CRIM1: variants seen among roughly 807,000 people sequenced by gnomAD.
CRIM1 encodes cysteine-rich motor neuron 1 protein.
Under a neutral mutation model 116.4 loss-of-function variants are expected in CRIM1, and 32 were observed. That is an observed-to-expected ratio of 0.27 (90% CI 0.21 to 0.37). The LOEUF (loss-of-function observed/expected upper bound fraction) is 0.37, where lower values mean the gene tolerates loss of function less well. Ranked by LOEUF, CRIM1 falls within the 10% of genes least tolerant of loss-of-function variation. The pLI is 1.00. For missense variants in CRIM1, 1,331 were observed against 1,354.8 expected, an observed-to-expected ratio of 0.98 and a Z score of 0.28; for synonymous variants, 590 against 509.2, an observed-to-expected ratio of 1.16 and a Z score of -2.13.
chr2:36,467,934 T>C (rs1283212859), intron 5 of CRIM1, among the ~76,000 whole-genome samples: 1 of 152,252 alleles, frequency 6.6e-6, no homozygotes, highest in Non-Finnish European at 1.5e-5. Context: ...ATCATGTGCT[T>C]AATTGCGTTA....
chr2:36,537,658 G>T, intron 14 of CRIM1, 112 bp downstream of exon 14: 1 of 1,217,772 alleles, frequency 8.2e-7, no homozygotes, highest in South Asian at 1.6e-5. Flanking sequence ...CCCAAGTAGC[G>T]TGTCAGGCCC....
chr2:36,375,269 A>C (rs998266357), intron 1 of CRIM1, among the ~76,000 whole-genome samples: 2 of 152,184 alleles, frequency 1.3e-5, no homozygotes, highest in Non-Finnish European at 2.9e-5. Context: ...AAAACTTCGG[A>C]TCATTATCAG....
intron 1 of CRIM1, among the ~76,000 whole-genome samples, chr2:36,368,670 A>G (rs915446788): frequency 6.6e-6 from 1 of 152,206 alleles, no homozygotes; most frequent in Admixed American, 6.5e-5. Context: ...TGAATGTGAA[A>G]TATTCCATTT....
chr2:36,523,001 C>G (rs1339858023), intron 13 of CRIM1, among the ~76,000 whole-genome samples: 1 of 151,364 alleles, frequency 6.6e-6, no homozygotes, highest in African/African-American at 2.4e-5. Flanking sequence ...GTCACCCAGG[C>G]TGGAGTGCAG....
chr2:36,453,542 A>G (rs989001825), intron 4 of CRIM1, among the ~76,000 whole-genome samples: 6 of 152,212 alleles, frequency 3.9e-5, no homozygotes, highest in Non-Finnish European at 8.8e-5. Context: ...TAGATAGACA[A>G]TTAGTCTGCA....
rs184613896 is a variant in CRIM1, at chr2:36,530,843, G to A, written c.2429-6509G>A. On this transcript the variant is annotated intron_variant, in intron 13 of 16. Coordinates refer to ENST00000280527, the MANE Select transcript of CRIM1 (RefSeq NM_016441.3). ...TATTAGCAGGACCAGCTGTCTGCGC[G>A]TCTTTTCCAGACACTGGGCTCATCC... is the stretch of plus-strand genomic sequence containing the variant. Among the ~76,000 whole-genome samples, 158 of 152,264 alleles carry A rather than the reference G, an allele frequency of 1.0e-3. 1 individual carries two copies. The highest frequency in any genetic ancestry group is 3.6e-3 in the African/African-American group (151 of 41,560).
intron 1 of CRIM1, among the ~76,000 whole-genome samples, chr2:36,366,538 TAAAA>T (rs921477921): frequency 6.8e-6 from 1 of 147,740 alleles, no homozygotes. Context: ...ATGGAAAGAT[TAAAA>T]AAAAAAGGAG....
At chr2:36,434,774 A>G (rs1675169540) in intron 2 of CRIM1, among the ~76,000 whole-genome samples, 1 of 152,166 alleles carries the variant, frequency 6.6e-6, no homozygotes. Flanking sequence ...TAGATTTCTT[A>G]TTAATAATCA....
Position 36,517,391 on chromosome 2 carries a change from A to G in CRIM1, c.2055A>G (p.Glu685=), listed in dbSNP as rs1315576599. 3 of 1,614,110 alleles carry G rather than the reference A, an allele frequency of 1.9e-6. No homozygotes were observed. Among genetic ancestry groups the G allele is most frequent in the Admixed American group, 3.3e-5 (2 of 60,006 alleles). ...CCATTTGCCACGCCCCTGGAGGAGA[A>G]TACTTTGTGGAAGGAGAAACGTGGA... ...TPSICHAPGG[E]YFVEGETWNI... is the part of the protein sequence containing the mutation. The change falls in exon 12 of 17, where the codon GAA becomes GAG. Residue 685 remains glutamate, a synonymous_variant. Transcript: ENST00000280527.
At position 36,471,751 on chromosome 2, in the gene CRIM1, ACACACACACC is replaced by A. The variant is rs1368855689; in HGVS notation, c.992-5137_992-5128del. ...AACACACACACACACACACACACACACACACACACCATCTTACAATGTTTTAAGAAAGTTT... is the reference window on the plus strand; with the variant it reads ...AACACACACACACACACACACACACAATCTTACAATGTTTTAAGAAAGTTT... On this transcript the variant is annotated intron_variant, in intron 5 of 16. Coordinates refer to ENST00000280527, the MANE Select transcript of CRIM1 (RefSeq NM_016441.3). Among the ~76,000 whole-genome samples, 177 of 139,958 alleles carry A rather than the reference ACACACACACC, an allele frequency of 1.3e-3. 1 individual carries two copies. Among genetic ancestry groups the A allele is most frequent in the African/African-American group, 4.5e-3 (159 of 35,600 alleles). 91.8% of individuals were successfully genotyped at this position (139,958 alleles called of 152,430 possible).
intron 7 of CRIM1, among the ~76,000 whole-genome samples, chr2:36,498,765 T>C (rs992209214): frequency 6.6e-6 from 1 of 152,130 alleles, no homozygotes; most frequent in Non-Finnish European, 1.5e-5. Context: ...GATTTATTAA[T>C]TTGGAAAAAA....
chr2:36,548,803 TTG>T lies in CRIM1; in HGVS notation c.*105_*106del, dbSNP rs1667541193. Reference sequence around the variant, plus strand: ...CACTTGCTTAGTGGATTGTATTGGATTGTGACTTGATGTACAGCGCTAAGACC... The same window carrying T: ...CACTTGCTTAGTGGATTGTATTGGATTGACTTGATGTACAGCGCTAAGACC... On this transcript the variant is annotated 3_prime_UTR_variant, in exon 17 of 17. Transcript: ENST00000280527. The T allele has an allele frequency of 1.0e-6, 1 of 989,990 alleles. No individual in the cohort carries two copies. Among genetic ancestry groups the T allele is most frequent in the Non-Finnish European group, 1.5e-6 (1 of 669,362 alleles). The allele number at this position is 989,990 out of a possible 1,614,324, so 61.3% of individuals were successfully genotyped here. A position where few individuals can be genotyped will look rare whatever the true frequency, so the allele number is the denominator to read the frequency against.
At chr2:36,383,929 C>T (rs1670975641) in intron 1 of CRIM1, among the ~76,000 whole-genome samples, 2 of 152,216 alleles carry the variant, frequency 1.3e-5, no homozygotes, top group South Asian at 4.1e-4. Context: ...GTGCTGAGCC[C>T]TGTTCCAGGT....
intron 6 of CRIM1, 35 bp downstream of exon 6, chr2:36,477,106 C>T (rs751629979): frequency 1.7e-5 from 25 of 1,514,996 alleles, no homozygotes; most frequent in Non-Finnish European, 2.3e-5. Flanking sequence ...TTAACAGGAG[C>T]ATACATGGTA....
intron 5 of CRIM1, among the ~76,000 whole-genome samples, chr2:36,465,336 A>C (rs796184593): frequency 6.6e-6 from 1 of 152,336 alleles, no homozygotes; most frequent in African/African-American, 2.4e-5. Context: ...AAGGAAGGGG[A>C]ACCTGCAACA....
intron 16 of CRIM1, 84 bp downstream of exon 16, chr2:36,547,255 C>A: frequency 8.7e-7 from 1 of 1,146,314 alleles, no homozygotes; most frequent in Non-Finnish European, 1.3e-6. Context: ...AACCTTGTGT[C>A]TTAACCAGTG....
intron 4 of CRIM1, among the ~76,000 whole-genome samples, chr2:36,443,574 A>G (rs544330363): frequency 6.6e-6 from 1 of 152,196 alleles, no homozygotes; most frequent in Non-Finnish European, 1.5e-5. Flanking sequence ...TAATAGGATG[A>G]GTTAAAACTG....
At chr2:36,446,470 C>T (rs765807583) in intron 4 of CRIM1, among the ~76,000 whole-genome samples, 13 of 152,212 alleles carry the variant, frequency 8.5e-5, no homozygotes, top group Non-Finnish European at 1.8e-4. Flanking sequence ...TCCCTTCTAC[C>T]TGTGGCCTTT....
intron 13 of CRIM1, among the ~76,000 whole-genome samples, chr2:36,527,263 G>A (rs180754190): frequency 4.6e-5 from 7 of 152,052 alleles, no homozygotes; most frequent in Admixed American, 1.3e-4. Flanking sequence ...TCTAATCAGC[G>A]AGTATCATTG....
Sources: gnomAD v4.1 joint callset for allele counts (sites outside exome capture counted in the v4.1 genomes callset) on GRCh38, gnomAD v4.1.1 for gene constraint, MANE v1.5 for transcripts, NCBI Gene and HGNC (gene_info 2026-07-23, HGNC 2026-07-21) for gene names.